OGG1: variants seen among roughly 807,000 people sequenced by gnomAD.
OGG1 encodes 8-oxoguanine DNA glycosylase.
A neutral mutation model predicts 42.3 loss-of-function variants in OGG1; 35 were observed. The ratio of observed to expected loss-of-function variants is 0.83; its 90% confidence interval spans 0.63 to 1.10. The LOEUF (loss-of-function observed/expected upper bound fraction) is 1.10, where lower values mean the gene tolerates loss of function less well. Among genes scored for constraint, OGG1 ranks in the 50% least tolerant of loss-of-function variants. The pLI is 0.00. For missense variants in OGG1, 484 were observed against 446.7 expected, an observed-to-expected ratio of 1.08 and a Z score of -0.75; for synonymous variants, 189 against 179.0, an observed-to-expected ratio of 1.06 and a Z score of -0.44.
At chr3:9,759,667 C>G, downstream of OGG1, 2 of 1,614,236 alleles carry the variant, frequency 1.2e-6, no homozygotes, top group Non-Finnish European at 1.7e-6. Context: ...TGTGTGAATT[C>G]TCACCATGGG....
In OGG1 at chr3:9,757,305, A is replaced by G. The variant is rs2077623268; in HGVS notation, c.*155A>G. On this transcript the variant is annotated 3_prime_UTR_variant, in exon 7 of 7. Transcript: ENST00000344629. The surrounding 1 kb of genome is among the most constrained non-coding windows in gnomAD (Gnocchi z 4.5). ...CCAAATCAAGCAGTCAGTTTGCACA[A>G]CAAGATGGGGTGGGGGATATTGAGG... The G allele has an allele frequency of 9.9e-6, 16 of 1,614,080 alleles. No individual in the cohort carries two copies. The highest frequency in any genetic ancestry group is 1.3e-5 in the African/African-American group (1 of 74,932).
downstream of OGG1, among the ~76,000 whole-genome samples, chr3:9,767,265 T>C (rs2078179891): frequency 6.6e-6 from 1 of 152,290 alleles, no homozygotes; most frequent in East Asian, 1.9e-4. Context: ...GTTGTCATTT[T>C]CTGTAGGTCT....
At chr3:9,756,737 G>A (rs368626670) in intron 5 of OGG1, 30 bp from the exon 6 acceptor site, 1 of 1,614,180 alleles carries the variant, frequency 6.2e-7, no homozygotes, top group Non-Finnish European at 8.5e-7. Flanking sequence ...GAAGGGGTCA[G>A]ATAACTTAGT....
At chr3:9,760,542 T>C (rs2077806599), downstream of OGG1, 2 of 1,039,252 alleles carry the variant, frequency 1.9e-6, no homozygotes, top group Non-Finnish European at 3.0e-6. Flanking sequence ...AGACAGCTCT[T>C]TGTGTGGTGC....
intron 1 of OGG1, 139 bp downstream of exon 1, chr3:9,750,562 C>A: frequency 1.7e-6 from 2 of 1,154,088 alleles, no homozygotes; most frequent in Non-Finnish European, 2.5e-6. Context: ...CACGGGTAGC[C>A]AACCTGTTAC....
chr3:9,755,717 C>G (rs1203455133), intron 4 of OGG1, among the ~76,000 whole-genome samples: 1 of 152,160 alleles, frequency 6.6e-6, no homozygotes, highest in Non-Finnish European at 1.5e-5. Flanking sequence ...GCCTCAGCCT[C>G]CCAAAGTGCT....
intron 2 of OGG1, among the ~76,000 whole-genome samples, chr3:9,772,900 G>C (rs569776596): frequency 1.3e-5 from 2 of 152,060 alleles, no homozygotes; most frequent in South Asian, 4.1e-4. Context: ...TTTTGGATGC[G>C]TATACATATA....
downstream of OGG1, chr3:9,760,485 G>T: frequency 3.3e-6 from 2 of 604,382 alleles, no homozygotes; most frequent in Non-Finnish European, 3.0e-6. Flanking sequence ...CCAAGCAGAA[G>T]GAAGTACCCA....
chr3:9,765,607 A>C (rs2078117415), intron 7 of OGG1: 1 of 912,964 alleles, frequency 1.1e-6, no homozygotes, highest in Non-Finnish European at 1.7e-6. Context: ...GTTCCCCACA[A>C]CCCTGCCAAG....
chr3:9,785,026 AT>A (rs538165046), intron 3 of OGG1, among the ~76,000 whole-genome samples: 357 of 152,268 alleles, frequency 2.3e-3, no homozygotes, highest in African/African-American at 8.3e-3. Context: ...CAGCTATATG[AT>A]TAATAGCCCC....
At chr3:9,775,501 T>C (rs2078353073) in intron 2 of OGG1, among the ~76,000 whole-genome samples, 1 of 152,210 alleles carries the variant, frequency 6.6e-6, no homozygotes, top group South Asian at 2.1e-4. Context: ...CCAGCCTCTA[T>C]GCTGCTCTGA....
In OGG1 at chr3:9,756,551, A is replaced by G. The variant is rs138147246; in HGVS notation, c.828A>G (p.Gln276=). ...PVDVHMWHIA[Q]RDYSWHPTTS... Reference sequence around the variant, plus strand: ...ATGTCCATATGTGGCACATTGCCCAACGTGACTACAGCTGGCACCCTACCA... The same window carrying G: ...ATGTCCATATGTGGCACATTGCCCAGCGTGACTACAGCTGGCACCCTACCA... The change falls in exon 5 of 7, where the codon CAA becomes CAG. Residue 276 remains glutamine (Q), a synonymous_variant. Transcript: ENST00000344629. 8 of 1,614,078 alleles carry G rather than the reference A, an allele frequency of 5.0e-6. No homozygotes were observed. The highest frequency in any genetic ancestry group is 2.7e-5 in the African/African-American group (2 of 74,934).
rs1268823323 is a variant in OGG1, at chr3:9,775,531, AC to A, written c.295-5980del. On this transcript the variant is annotated intron_variant, in intron 2 of 3. Coordinates refer to the OGG1 transcript ENST00000426518. Reference sequence around the variant, plus strand: ...CTCTGAGAGTGCTTTCTGCTCACAAACCACCAGTGGCTCCCTGTTACTTCAG... The same window carrying A: ...CTCTGAGAGTGCTTTCTGCTCACAAACACCAGTGGCTCCCTGTTACTTCAG... Among the ~76,000 whole-genome samples the A allele has an allele frequency of 4.6e-5, 7 of 152,166 alleles. No individual in the cohort carries two copies. In the East Asian group the frequency reaches 1.4e-3, roughly 29 times the overall value.
chr3:9,790,419 G>C (rs1442736731), downstream of OGG1, among the ~76,000 whole-genome samples: 1 of 152,132 alleles, frequency 6.6e-6, no homozygotes, highest in Non-Finnish European at 1.5e-5. Context: ...GGTCCAGTTG[G>C]CACCTCCTTC....
At chr3:9,782,677 A>C (rs1300189835) in intron 3 of OGG1, among the ~76,000 whole-genome samples, 4 of 151,954 alleles carry the variant, frequency 2.6e-5, no homozygotes, top group Non-Finnish European at 4.4e-5. Flanking sequence ...TGTAATCCCA[A>C]CTACTCAGGA....
chr3:9,772,519 T>C (rs987497173), intron 2 of OGG1, among the ~76,000 whole-genome samples: 1 of 152,358 alleles, frequency 6.6e-6, no homozygotes, highest in East Asian at 1.9e-4. Flanking sequence ...CACGTTGGCC[T>C]CTTTTTCTCT....
downstream of OGG1, chr3:9,789,977 AAAGTG>A: frequency 6.3e-7 from 1 of 1,576,234 alleles, no homozygotes. Flanking sequence ...AAATTTACAG[AAAGTG>A]TCACTGAGGG....
chr3:9,753,209 T>G (rs2077382216), intron 3 of OGG1, among the ~76,000 whole-genome samples: 1 of 151,878 alleles, frequency 6.6e-6, no homozygotes, highest in Non-Finnish European at 1.5e-5. Flanking sequence ...CTGGGCGTGG[T>G]GGCAGGTACC....
chr3:9,776,210 G>T (rs558061003), intron 2 of OGG1, among the ~76,000 whole-genome samples: 9 of 151,994 alleles, frequency 5.9e-5, no homozygotes, highest in Non-Finnish European at 1.0e-4. Context: ...CTCTAAGCAG[G>T]CCAGCTGTTC....
Sources: gnomAD v4.1 joint callset for allele counts (sites outside exome capture counted in the v4.1 genomes callset) on GRCh38, gnomAD v4.1.1 for gene constraint, Gnocchi (gnomAD v3.1) non-coding constraint, MANE v1.5 for transcripts, NCBI Gene and HGNC (gene_info 2026-07-23, HGNC 2026-07-21) for gene names.